DOCK6: variants seen among roughly 807,000 people sequenced by gnomAD.
DOCK6 encodes dedicator of cytokinesis protein 6.
DOCK6 carries 167 observed loss-of-function variants against 230.3 expected under a neutral mutation model. The observed-to-expected ratio is 0.73, with a 90% CI of 0.64 to 0.82. The LOEUF (loss-of-function observed/expected upper bound fraction) is 0.82. Among genes scored for constraint, DOCK6 ranks in the 40% least tolerant of loss-of-function variants. The probability of loss-of-function intolerance (pLI) is 0.00; values close to 1 mark genes in which losing one functional copy is unlikely to be tolerated. For missense variants in DOCK6, 2,598 were observed against 2,825.8 expected, an observed-to-expected ratio of 0.92 and a Z score of 1.83; for synonymous variants, 1,148 against 1,185.0, an observed-to-expected ratio of 0.97 and a Z score of 0.64.
intron 5 of DOCK6, 75 bp downstream of exon 5, chr19:11,252,044 T>C: frequency 6.4e-7 from 1 of 1,551,484 alleles, no homozygotes; most frequent in African/African-American, 1.4e-5. Flanking sequence ...TCATTTCCTG[T>C]CACATGTGAC....
intron 24 of DOCK6, among the ~76,000 whole-genome samples, chr19:11,226,420 A>G (rs1445700074): frequency 6.6e-6 from 1 of 152,222 alleles, no homozygotes; most frequent in Non-Finnish European, 1.5e-5. Context: ...GCACTTTGGG[A>G]GGGCAAGGCG....
At position 11,217,011 on chromosome 19, in the gene DOCK6, G is replaced by C. The variant is rs374437993; in HGVS notation, c.3797C>G (p.Pro1266Arg). 4 of 1,613,624 alleles carry C rather than the reference G, an allele frequency of 2.5e-6. No individual in the cohort carries two copies. In the South Asian group the frequency reaches 3.3e-5, roughly 13 times the overall value. ...AGTGGCCCAGCGCTGCAGGAGCGCC[G>C]GCTCGGTGTTTTTCAGCACCCACAG... ...CVLWVLKNTEPALLQRWATDL... is the reference protein window; with the variant it reads ...CVLWVLKNTERALLQRWATDL... Residue 1266 changes from proline to arginine, a missense_variant, in exon 30 of 48, where the codon CCG becomes CGG. Coordinates refer to ENST00000294618, the MANE Select transcript of DOCK6 (RefSeq NM_020812.4).
rs879417801 is a variant in DOCK6, at chr19:11,257,791, G to GAA, written c.45-4067_45-4066dup. Among the ~76,000 whole-genome samples the GAA allele has an allele frequency of 2.8e-5, 4 of 144,094 alleles. No individual in the cohort carries two copies. The Admixed American group carries it at 2.8e-4, about 10-fold the overall frequency. 94.5% of individuals were successfully genotyped at this position (144,094 alleles called of 152,430 possible). ...GCAACAGAAAGAAACGCTGTCTCAA[G>GAA]AAAAAAAAAAAATCCATCTATAAGC... On this transcript the variant is annotated intron_variant, in intron 1 of 47. Transcript: ENST00000294618.
chr19:11,253,893 C>T lies in DOCK6; in HGVS notation c.45-167G>A, dbSNP rs992188573. On this transcript the variant is annotated intron_variant, in intron 1 of 47. Coordinates refer to ENST00000294618, the MANE Select transcript of DOCK6 (RefSeq NM_020812.4). ...AGGGCCCACAGCTCCCCAGTTCCCC[C>T]AACGCGTTCCCCATCAAGCACAGAT... The T allele has an allele frequency of 1.9e-5, 10 of 538,466 alleles. No homozygotes were observed. In the African/African-American group the frequency reaches 2.0e-4, roughly 11 times the overall value. The allele number at this position is 538,466 out of a possible 1,614,324, so 33.4% of individuals were successfully genotyped here.
At position 11,201,870 on chromosome 19, in the gene DOCK6, G is replaced by C; in HGVS notation, c.5688+19C>G. On this transcript the variant is annotated intron_variant, in intron 44 of 47. Transcript: ENST00000294618. The surrounding 1 kb of genome is among the most constrained non-coding windows in gnomAD (Gnocchi z 4.3). ...CCCCTCACCTCCCCACCCCCGCCAG[G>C]CCCAGGATCCCCACCCACCTCCTCC... 1 of 1,522,472 alleles carries C rather than the reference G, an allele frequency of 6.6e-7. No individual in the cohort carries two copies. Among genetic ancestry groups the C allele is most frequent in the Non-Finnish European group, 8.9e-7 (1 of 1,128,994 alleles). 94.3% of individuals were successfully genotyped at this position (1,522,472 alleles called of 1,614,324 possible). A position where few individuals can be genotyped will look rare whatever the true frequency, so the allele number is the denominator to read the frequency against.
At chr19:11,256,974 C>T (rs780345299) in intron 1 of DOCK6, among the ~76,000 whole-genome samples, 1 of 151,326 alleles carries the variant, frequency 6.6e-6, no homozygotes, top group Non-Finnish European at 1.5e-5. Context: ...CCACCGAGCC[C>T]GGCCTGTTTT....
Position 11,222,803 on chromosome 19 carries a change from T to C in DOCK6, c.3172A>G (p.Asn1058Asp). 6.3e-7 allele frequency: 1 copy of C among 1,590,198 alleles called. No homozygotes were observed. Among genetic ancestry groups the C allele is most frequent in the Non-Finnish European group, 8.6e-7 (1 of 1,168,714 alleles). Residue 1058 changes from asparagine (N) to aspartate (D), a missense_variant, in exon 26 of 48, where the codon AAC (asparagine) becomes GAC (aspartate). Coordinates refer to ENST00000294618, the MANE Select transcript of DOCK6 (RefSeq NM_020812.4). The surrounding 1 kb of genome is among the most constrained non-coding windows in gnomAD (Gnocchi z 4.0). ...LCSHEHYVTL[N>D]LPCCPLSPPA... The stretch of plus-strand genomic sequence containing the variant: ...GGTGACAGGGGGCAGCAGGGGAGGT[T>C]GAGGGTCACGTAGTGCTCGTGGCTG...
intron 24 of DOCK6, among the ~76,000 whole-genome samples, chr19:11,225,897 G>A (rs1018561295): frequency 4.2e-5 from 6 of 143,728 alleles, no homozygotes; most frequent in Non-Finnish European, 9.0e-5. Flanking sequence ...AAAAAAAATT[G>A]CCAAGTATGT....
chr19:11,229,446 T>G (rs1423643265), intron 22 of DOCK6: 1 of 901,116 alleles, frequency 1.1e-6, no homozygotes, highest in Non-Finnish European at 1.3e-6. Flanking sequence ...TGAAGGGGTA[T>G]GTGGTTGGAG....
At chr19:11,218,401 C>T (rs1365486800) in intron 28 of DOCK6, among the ~76,000 whole-genome samples, 1 of 152,228 alleles carries the variant, frequency 6.6e-6, no homozygotes, top group African/African-American at 2.4e-5. Context: ...CCCGCCTCGG[C>T]CTCCCAAAGT....
intron 14 of DOCK6, chr19:11,239,968 CAGG>C (rs1454297616): frequency 1.3e-6 from 2 of 1,558,708 alleles, no homozygotes; most frequent in African/African-American, 2.7e-5. Flanking sequence ...GTGGGGTGGC[CAGG>C]AGTCCAAAGA....
In DOCK6 at chr19:11,208,425, C is replaced by T. The variant is rs186214916; in HGVS notation, c.5088+261G>A. On this transcript the variant is annotated intron_variant, in intron 39 of 47. Coordinates refer to ENST00000294618, the MANE Select transcript of DOCK6 (RefSeq NM_020812.4). ...CCTCCCGAGTAGCTGGGATTACAGC[C>T]GTGCGCCACCACGCCCGGCTAATTT... The T allele has an allele frequency of 8.8e-4, 280 of 318,094 alleles. 4 individuals are homozygous for T. The Admixed American group carries it at 9.8e-3, about 11-fold the overall frequency. 19.7% of individuals were successfully genotyped at this position (318,094 alleles called of 1,614,324 possible).
At chr19:11,240,221 C>G (rs371404459) in intron 14 of DOCK6, 22 of 1,570,348 alleles carry the variant, frequency 1.4e-5, no homozygotes, top group Non-Finnish European at 1.7e-5. Flanking sequence ...TGCTACGGGA[C>G]AGCGTGCAGC....
At chr19:11,216,333 C>T (rs2079486607) in intron 30 of DOCK6, among the ~76,000 whole-genome samples, 1 of 152,160 alleles carries the variant, frequency 6.6e-6, no homozygotes, top group Non-Finnish European at 1.5e-5. Context: ...AGCAGTTTGC[C>T]TGCCTTAGCC....
intron 37 of DOCK6, among the ~76,000 whole-genome samples, chr19:11,209,401 G>C (rs1408782930): frequency 6.6e-6 from 1 of 151,726 alleles, no homozygotes; most frequent in Non-Finnish European, 1.5e-5. Flanking sequence ...CACTTGTCCT[G>C]CTGTCTCCCA....
intron 22 of DOCK6, chr19:11,232,083 CT>C: frequency 3.5e-6 from 3 of 850,134 alleles, no homozygotes; most frequent in Non-Finnish European, 4.8e-6. Flanking sequence ...CTGCCACCTC[CT>C]TCAGGCAGCC....
chr19:11,200,995 G>A lies in DOCK6; in HGVS notation c.5746C>T (p.Leu1916=). Residue 1916 remains leucine, a synonymous_variant, in exon 45 of 48, where the codon CTG becomes TTG. Coordinates refer to ENST00000294618, the MANE Select transcript of DOCK6 (RefSeq NM_020812.4). The surrounding 1 kb of genome is among the most constrained non-coding windows in gnomAD (Gnocchi z 4.3). ...GGGTCCTGCTCGGTGGCAAAGGCCA[G>A]CTCCCGTGTCTTCTTCTGCATGTCC... ...IEDMQKKTRE[L]AFATEQDPPD... is the part of the protein sequence containing the mutation. 6.2e-7 allele frequency: 1 copy of A among 1,613,954 alleles called. No homozygotes were observed. The highest frequency in any genetic ancestry group is 1.1e-5 in the South Asian group (1 of 91,078).
chr19:11,230,932 G>A (rs2079755367), intron 22 of DOCK6, among the ~76,000 whole-genome samples: 1 of 152,238 alleles, frequency 6.6e-6, no homozygotes, highest in African/African-American at 2.4e-5. Context: ...CCAACCCTGG[G>A]ACCTACTCTG....
At chr19:11,218,529 C>G (rs551563172) in intron 28 of DOCK6, among the ~76,000 whole-genome samples, 3 of 152,160 alleles carry the variant, frequency 2.0e-5, no homozygotes, top group African/African-American at 7.2e-5. Flanking sequence ...CTTACTGCAG[C>G]CTCAACCTCC....
Sources: gnomAD v4.1 joint callset for allele counts (sites outside exome capture counted in the v4.1 genomes callset) on GRCh38, gnomAD v4.1.1 for gene constraint, Gnocchi (gnomAD v3.1) non-coding constraint, MANE v1.5 for transcripts, NCBI Gene and HGNC (gene_info 2026-07-23, HGNC 2026-07-21) for gene names.